Variants in AJAP1 observed in about 807,000 individuals in gnomAD.
The protein encoded by AJAP1 is adherens junctions associated protein 1, also known as adherens junction-associated protein 1.
In AJAP1, 5 loss-of-function variants were observed where a neutral mutation model predicts 35.0. The ratio of observed to expected loss-of-function variants is 0.14; its 90% CI spans 0.07 to 0.30. The LOEUF is 0.30. Ranked by LOEUF, AJAP1 falls within the 10% of genes least tolerant of loss-of-function variation. The pLI is 1.00. For synonymous variants in AJAP1, 284 were observed against 249.3 expected (o/e 1.14, Z -1.31); for missense variants, 586 against 571.0 (o/e 1.03, Z -0.27).
intron 2 of AJAP1, among the ~76,000 whole-genome samples, chr1:4,757,351 G>A (rs1421151235): frequency 6.6e-6 from 1 of 152,200 alleles, no homozygotes; most frequent in East Asian, 1.9e-4. Context: ...GCTGATCTGG[G>A]CTGGCTTCAG....
chr1:4,766,393 G>A (rs896623721), intron 2 of AJAP1, among the ~76,000 whole-genome samples: 6 of 152,134 alleles, frequency 3.9e-5, no homozygotes, highest in East Asian at 1.9e-4. Flanking sequence ...ATGATGGGGC[G>A]GATGCTGTAA....
chr1:4,741,111 A>G (rs1317082030), intron 2 of AJAP1, among the ~76,000 whole-genome samples: 1 of 152,030 alleles, frequency 6.6e-6, no homozygotes, highest in Admixed American at 6.5e-5. Flanking sequence ...TGCCTCACGC[A>G]GGGGTTGGGT....
At chr1:4,748,881 A>G (rs1489097164) in intron 2 of AJAP1, among the ~76,000 whole-genome samples, 2 of 152,116 alleles carry the variant, frequency 1.3e-5, no homozygotes. Flanking sequence ...AGAAGCAGAG[A>G]GCAGCCCTTG....
chr1:4,661,061 A>T (rs1179507159), intron 1 of AJAP1, among the ~76,000 whole-genome samples: 1 of 152,194 alleles, frequency 6.6e-6, no homozygotes, highest in Non-Finnish European at 1.5e-5. Context: ...CTCAAGCTTG[A>T]GAAGGCAGAC....
Position 4,723,562 on chromosome 1 carries a change from C to T in AJAP1, c.829+10863C>T, listed in dbSNP as rs956195378. The stretch of plus-strand genomic sequence containing the variant: ...GGAGGGGTCCTCGTGGCGGAGCTCC[C>T]AGAGACATGAAAGAGGCCACTTTTG... On this transcript the variant is annotated intron_variant, in intron 2 of 5. Transcript: ENST00000378191. This position sits in a 1 kb window ranked among gnomAD's most constrained non-coding sequence, Gnocchi z 4.3. Among the ~76,000 whole-genome samples, 1 of 151,996 alleles carries T rather than the reference C, an allele frequency of 6.6e-6. No homozygotes were observed. The highest frequency in any genetic ancestry group is 1.5e-5 in the Non-Finnish European group (1 of 68,004).
chr1:4,689,446 CG>C (rs1465085598), intron 1 of AJAP1, among the ~76,000 whole-genome samples: 2 of 152,114 alleles, frequency 1.3e-5, no homozygotes, highest in African/African-American at 4.8e-5. Flanking sequence ...AAGGCGGAGG[CG>C]GGGGGCGTTC....
intron 1 of AJAP1, among the ~76,000 whole-genome samples, chr1:4,679,479 G>C (rs1639428665): frequency 6.6e-6 from 1 of 152,168 alleles, no homozygotes; most frequent in Admixed American, 6.5e-5. Flanking sequence ...GTCTGCATTA[G>C]ATTAATGTGG....
At chr1:4,726,034 G>A (rs1047585601) in intron 2 of AJAP1, among the ~76,000 whole-genome samples, 2 of 152,228 alleles carry the variant, frequency 1.3e-5, no homozygotes, top group Non-Finnish European at 2.9e-5. Context: ...GGCCCACCTG[G>A]GAGAGTGCCT....
chr1:4,724,233 C>T (rs918389628), intron 2 of AJAP1, among the ~76,000 whole-genome samples: 6 of 152,088 alleles, frequency 3.9e-5, no homozygotes, highest in Non-Finnish European at 7.4e-5. Flanking sequence ...TGATGGCGGC[C>T]GGGATGAGGA....
intron 2 of AJAP1, among the ~76,000 whole-genome samples, chr1:4,758,230 T>C (rs569677327): frequency 2.0e-5 from 3 of 152,290 alleles, no homozygotes; most frequent in South Asian, 4.1e-4. Flanking sequence ...CAGACTAATA[T>C]AGTGTGTCAC....
intron 1 of AJAP1, among the ~76,000 whole-genome samples, chr1:4,683,060 G>A (rs377763898): frequency 1.8e-3 from 273 of 152,304 alleles, no homozygotes; most frequent in African/African-American, 6.1e-3. Context: ...TGCCCTGCTC[G>A]CCAGAGATCC....
At chr1:4,691,098 A>G (rs7515788) in intron 1 of AJAP1, among the ~76,000 whole-genome samples, 1 of 152,206 alleles carries the variant, frequency 6.6e-6, no homozygotes, top group African/African-American at 2.4e-5. Context: ...GATGCACTGT[A>G]GGTGACTCAT....
intron 1 of AJAP1, among the ~76,000 whole-genome samples, chr1:4,691,477 G>T (rs571672411): frequency 6.6e-6 from 1 of 152,242 alleles, no homozygotes; most frequent in Admixed American, 6.5e-5. Flanking sequence ...CTTTGGGCTG[G>T]GTACACAGTG....
chr1:4,660,670 G>A (rs974635), intron 1 of AJAP1, among the ~76,000 whole-genome samples: 1,607 of 152,208 alleles, frequency 0.011, 36 homozygotes, highest in African/African-American at 0.034. Context: ...TTTAGGGGTC[G>A]TGTATTTGTA....
At chr1:4,681,103 T>G (rs1030799726) in intron 1 of AJAP1, among the ~76,000 whole-genome samples, 1 of 152,172 alleles carries the variant, frequency 6.6e-6, no homozygotes, top group African/African-American at 2.4e-5. Flanking sequence ...AGGTGCAGTT[T>G]TTAGATTAAA....
chr1:4,727,883 G>A (rs1260237887), intron 2 of AJAP1, among the ~76,000 whole-genome samples: 1 of 152,232 alleles, frequency 6.6e-6, no homozygotes, highest in Non-Finnish European at 1.5e-5. Flanking sequence ...TCCTGCCAAT[G>A]CCTGGAAGAA....
intron 2 of AJAP1, among the ~76,000 whole-genome samples, chr1:4,768,993 C>T (rs567680496): frequency 1.8e-4 from 28 of 152,226 alleles, no homozygotes; most frequent in Non-Finnish European, 2.9e-4. Flanking sequence ...AGGTGGGGGA[C>T]GGGAAAGAAT....
chr1:4,712,032 G>A lies in AJAP1; in HGVS notation c.162G>A (p.Pro54=), dbSNP rs1251170831. The change falls in exon 2 of 6, where the codon CCG becomes CCA. Residue 54 remains proline (P), a synonymous_variant. Transcript: ENST00000378191. The part of the protein sequence containing the change: ...LGPGPEFWLL[P]RSPPRPPRLW... The stretch of plus-strand genomic sequence containing the variant: ...CGGGGCCGGAGTTCTGGCTCCTGCC[G>A]CGGTCGCCGCCCCGGCCGCCCCGGC... 1 of 1,594,210 alleles carries A rather than the reference G, an allele frequency of 6.3e-7. No individual in the cohort carries two copies. Among genetic ancestry groups the A allele is most frequent in the Admixed American group, 1.7e-5 (1 of 57,598 alleles).
chr1:4,752,297 G>A (rs1269216063), intron 2 of AJAP1, among the ~76,000 whole-genome samples: 2 of 152,064 alleles, frequency 1.3e-5, no homozygotes, highest in East Asian at 1.9e-4. Context: ...GTGTGGTTGA[G>A]GAGCTTGGAA....
Sources: gnomAD v4.1 joint callset for allele counts (sites outside exome capture counted in the v4.1 genomes callset) on GRCh38, gnomAD v4.1.1 for gene constraint, Gnocchi (gnomAD v3.1) non-coding constraint, MANE v1.5 for transcripts, NCBI Gene and HGNC (gene_info 2026-07-23, HGNC 2026-07-21) for gene names.